Variants in TENM4 observed in about 807,000 individuals in gnomAD.
TENM4 encodes teneurin-4.
Under a neutral mutation model 243.3 loss-of-function variants are expected in TENM4, and 82 were observed. That is an observed-to-expected ratio of 0.34 (90% CI 0.28 to 0.40). The LOEUF (loss-of-function observed/expected upper bound fraction) is 0.40, where lower values mean the gene tolerates loss of function less well. Among genes scored for constraint, TENM4 ranks in the 10% least tolerant of loss-of-function variants. TENM4 has a pLI of 1.00. For missense variants in TENM4, 3,138 were observed against 3,673.3 expected (o/e 0.85, Z 3.77); for synonymous variants, 1,412 against 1,456.3 (o/e 0.97, Z 0.69).
rs572609913 is a variant in TENM4 at position 78,879,952 on chromosome 11, C to T, written c.1084+9833G>A. Among the ~76,000 whole-genome samples, 12 of 150,316 alleles carry T rather than the reference C, an allele frequency of 8.0e-5. No individual in the cohort carries two copies. In the South Asian group the frequency reaches 1.5e-3, roughly 19 times the overall value. On this transcript the variant is annotated intron_variant, in intron 9 of 33. Transcript: ENST00000278550. ...ATCTGGGAGGTGTACCCAACAGCTC[C>T]AAAGAGACAGCGACCATCGAGAATG...
Position 78,669,052 on chromosome 11 carries a change from T to C in TENM4, c.7293A>G (p.Pro2431=), listed in dbSNP as rs762386118. Reference sequence around the variant, plus strand: ...TAAGGTGCTTCCACAGCTCGTGGTCTGGGCTAGTCCAGCGTCCGGCCAGCA... The same window carrying C: ...TAAGGTGCTTCCACAGCTCGTGGTCCGGGCTAGTCCAGCGTCCGGCCAGCA... ...YDVLAGRWTS[P]DHELWKHLSS... Residue 2431 remains proline (P), a synonymous_variant, in exon 32 of 34, where the codon CCA becomes CCG. Coordinates refer to ENST00000278550, the MANE Select transcript of TENM4 (RefSeq NM_001098816.3). This position sits in a 1 kb window ranked among gnomAD's most constrained non-coding sequence, Gnocchi z 6.4. 1 of 1,613,986 alleles carries C rather than the reference T, an allele frequency of 6.2e-7. No individual in the cohort carries two copies. Among genetic ancestry groups the C allele is most frequent in the Non-Finnish European group, 8.5e-7 (1 of 1,179,886 alleles).
chr11:79,061,245 C>T (rs71471436), intron 6 of TENM4, among the ~76,000 whole-genome samples: 78 of 152,252 alleles, frequency 5.1e-4, no homozygotes, highest in Non-Finnish European at 6.8e-4. Flanking sequence ...ATCTGAGTAC[C>T]GCATAACGAA....
chr11:78,970,530 A>G (rs1431070712), intron 6 of TENM4, among the ~76,000 whole-genome samples: 1 of 152,232 alleles, frequency 6.6e-6, no homozygotes, highest in Non-Finnish European at 1.5e-5. Context: ...GCAGTAAAGT[A>G]CATATTCAGT....
intron 2 of TENM4, among the ~76,000 whole-genome samples, chr11:79,218,709 CT>C (rs1864104197): frequency 1.3e-5 from 2 of 152,154 alleles, no homozygotes; most frequent in African/African-American, 4.8e-5. Flanking sequence ...TGTTTATTTC[CT>C]TTTCAAATCC....
At chr11:79,374,663 T>G (rs1857855011) in intron 1 of TENM4, among the ~76,000 whole-genome samples, 1 of 152,128 alleles carries the variant, frequency 6.6e-6, no homozygotes, top group Non-Finnish European at 1.5e-5. Flanking sequence ...TTCTAAAATT[T>G]GTTTTATATG....
rs1226178995 is a variant in TENM4 at position 78,903,281 on chromosome 11, G to A, written c.736C>T (p.Pro246Ser). Residue 246 changes from proline to serine, a missense_variant, in exon 7 of 34, where the codon CCC (proline) becomes TCC (serine). Physicochemically the swap from Pro to Ser is moderately conservative, Grantham distance 74 (BLOSUM62 -1). Transcript: ENST00000278550. ...CCGGCCGCGCACCTGGTCTCCAGGG[G>A]GATGTTGCTGTTGAGCAGCCAGTTC... ...QENWLLNSNIPLETRNLGKQP... is the reference protein window; with the variant it reads ...QENWLLNSNISLETRNLGKQP... 2 of 1,491,336 alleles carry A rather than the reference G, an allele frequency of 1.3e-6. No individual in the cohort carries two copies. Among genetic ancestry groups the A allele is most frequent in the Non-Finnish European group, 1.8e-6 (2 of 1,124,966 alleles). 92.4% of individuals were successfully genotyped at this position (1,491,336 alleles called of 1,614,324 possible).
chr11:79,352,771 G>A (rs1351859819), intron 1 of TENM4, among the ~76,000 whole-genome samples: 1 of 152,208 alleles, frequency 6.6e-6, no homozygotes, highest in Non-Finnish European at 1.5e-5. Context: ...GGGAGGAAGA[G>A]AGCGGGAGAC....
At chr11:79,046,754 C>T (rs1193634224) in intron 6 of TENM4, among the ~76,000 whole-genome samples, 3 of 152,180 alleles carry the variant, frequency 2.0e-5, no homozygotes, top group African/African-American at 4.8e-5. Context: ...GATTCACCTA[C>T]AGGGTTCAGA....
intron 16 of TENM4, among the ~76,000 whole-genome samples, chr11:78,781,121 A>G (rs1242772541): frequency 6.6e-6 from 1 of 152,248 alleles, no homozygotes. Flanking sequence ...TATAAAAGGC[A>G]TATGCGGAAG....
At chr11:78,993,542 A>AT (rs532307255) in intron 6 of TENM4, among the ~76,000 whole-genome samples, 1 of 151,700 alleles carries the variant, frequency 6.6e-6, no homozygotes, top group African/African-American at 2.4e-5. Flanking sequence ...AGTTCTGTTC[A>AT]TTTTTTTCAG....
chr11:78,891,197 A>G (rs1421864693), intron 8 of TENM4, 41 bp downstream of exon 8: 70 of 1,536,278 alleles, frequency 4.6e-5, no homozygotes, highest in Middle Eastern at 1.7e-4. Flanking sequence ...AGGAGCCACA[A>G]GGAGAGCACA....
chr11:79,197,901 G>A (rs1378761704), intron 3 of TENM4, among the ~76,000 whole-genome samples: 1 of 152,072 alleles, frequency 6.6e-6, no homozygotes, highest in Non-Finnish European at 1.5e-5. Context: ...GGAAGGAAAG[G>A]AGACTCAAAC....
chr11:79,427,396 A>G (rs1417193957), intron 1 of TENM4, among the ~76,000 whole-genome samples: 1 of 152,240 alleles, frequency 6.6e-6, no homozygotes, highest in Non-Finnish European at 1.5e-5. Flanking sequence ...ATAATGGTAT[A>G]TCCTTATGAG....
At chr11:78,926,996 AAT>A (rs1190218393) in intron 6 of TENM4, among the ~76,000 whole-genome samples, 1 of 152,338 alleles carries the variant, frequency 6.6e-6, no homozygotes, top group South Asian at 2.1e-4. Flanking sequence ...TGCTGACCAA[AAT>A]ATGTTTTTTG....
Position 78,656,749 on chromosome 11 carries a change from A to C in TENM4, c.*1309T>G, listed in dbSNP as rs1381150968. On this transcript the variant is annotated 3_prime_UTR_variant, in exon 34 of 34. Coordinates refer to ENST00000278550, the MANE Select transcript of TENM4 (RefSeq NM_001098816.3). ...CCCTCCTTTCTTCCTGTCACTAAAA[A>C]ACACATTGGGTGGGCTTCTCTAGAG... is the stretch of plus-strand genomic sequence containing the variant. 9.1e-6 allele frequency: 3 copies of C among 330,292 alleles called. No homozygotes were observed. The highest frequency in any genetic ancestry group is 1.6e-5 in the Non-Finnish European group (3 of 183,412). The allele number at this position is 330,292 out of a possible 1,614,324, so 20.5% of individuals were successfully genotyped here.
intron 4 of TENM4, among the ~76,000 whole-genome samples, chr11:79,132,581 G>T (rs1236877281): frequency 6.6e-6 from 1 of 151,890 alleles, no homozygotes; most frequent in Non-Finnish European, 1.5e-5. Context: ...TCCAAGATAA[G>T]CCACATGATA....
rs537813114 is a variant in TENM4 at position 79,132,706 on chromosome 11, GA to G, written c.-66+16003del. ...CTCCAAAAGGAAACTTTAAAACCAT[GA>G]AAAAAACATGGAAATTAAATAACCT... is the stretch of plus-strand genomic sequence containing the variant. On this transcript the variant is annotated intron_variant, in intron 4 of 33. Transcript: ENST00000278550. Among the ~76,000 whole-genome samples the G allele has an allele frequency of 2.0e-5, 3 of 152,116 alleles. No homozygotes were observed. In the East Asian group the frequency reaches 5.8e-4, roughly 29 times the overall value.
At chr11:78,698,427 A>C (rs11237589) in intron 28 of TENM4, among the ~76,000 whole-genome samples, 23,346 of 129,992 alleles carry the variant, frequency 0.18, 1,994 homozygotes, top group Admixed American at 0.22. Flanking sequence ...AACCAACCAA[A>C]CAAACAAACA....
At chr11:79,239,377 A>C (rs1033782635) in intron 2 of TENM4, among the ~76,000 whole-genome samples, 1 of 152,244 alleles carries the variant, frequency 6.6e-6, no homozygotes, top group African/African-American at 2.4e-5. Flanking sequence ...TGAGTCAGAC[A>C]CTTCCAAAAT....
Sources: gnomAD v4.1 joint callset for allele counts (sites outside exome capture counted in the v4.1 genomes callset) on GRCh38, gnomAD v4.1.1 for gene constraint, Gnocchi (gnomAD v3.1) non-coding constraint, MANE v1.5 for transcripts, NCBI Gene and HGNC (gene_info 2026-07-23, HGNC 2026-07-21) for gene names.